ZNRF3: variants seen among roughly 807,000 people sequenced by gnomAD.
ZNRF3 encodes zinc and ring finger 3, also known as E3 ubiquitin-protein ligase ZNRF3.
In ZNRF3, 23 loss-of-function variants were observed where a neutral mutation model predicts 72.5. The observed-to-expected ratio is 0.32, with a 90% confidence interval of 0.23 to 0.45. The LOEUF is 0.45. ZNRF3 is among the 20% of genes least tolerant of loss of function. The pLI is 1.00. For missense variants in ZNRF3, 1,169 were observed against 1,272.1 expected, an observed-to-expected ratio of 0.92 and a Z score of 1.23; for synonymous variants, 610 against 545.3, an observed-to-expected ratio of 1.12 and a Z score of -1.65.
intron 1 of ZNRF3, among the ~76,000 whole-genome samples, chr22:28,899,576 C>G (rs969859924): frequency 3.9e-5 from 6 of 152,084 alleles, no homozygotes; most frequent in African/African-American, 1.4e-4. Flanking sequence ...TTTGAATATT[C>G]CAAGTAAACT....
At chr22:28,918,471 T>TGTGCATGTGTGGGTGC (rs2034446593) in intron 1 of ZNRF3, among the ~76,000 whole-genome samples, 1 of 152,086 alleles carries the variant, frequency 6.6e-6, no homozygotes, top group South Asian at 2.1e-4. Context: ...GCAGCTGGCA[T>TGTGCATGTGTGGGTGC]GTGCATGTGT....
At chr22:28,897,558 C>T (rs921287266) in intron 1 of ZNRF3, among the ~76,000 whole-genome samples, 6 of 152,222 alleles carry the variant, frequency 3.9e-5, no homozygotes, top group African/African-American at 1.4e-4. Flanking sequence ...TGAGCTCAAG[C>T]AATCCACCTG....
intron 1 of ZNRF3, among the ~76,000 whole-genome samples, chr22:28,964,436 C>A (rs2035422715): frequency 6.6e-6 from 1 of 152,140 alleles, no homozygotes; most frequent in Admixed American, 6.5e-5. Flanking sequence ...AGAGGCTGAG[C>A]CTGGGCCAGG....
At chr22:28,964,694 T>C in intron 1 of ZNRF3, among the ~76,000 whole-genome samples, 1 of 152,244 alleles carries the variant, frequency 6.6e-6, no homozygotes, top group Non-Finnish European at 1.5e-5. Flanking sequence ...TGAACTTCTG[T>C]ACTCCAGCCC....
chr22:28,956,510 C>G (rs961495228), intron 1 of ZNRF3, among the ~76,000 whole-genome samples: 5 of 151,996 alleles, frequency 3.3e-5, no homozygotes, highest in African/African-American at 9.7e-5. Context: ...TTTGGAGAAG[C>G]TAGTTTTGCC....
intron 2 of ZNRF3, among the ~76,000 whole-genome samples, chr22:28,993,520 G>C (rs1481966047): frequency 6.6e-6 from 1 of 152,120 alleles, no homozygotes; most frequent in African/African-American, 2.4e-5. Context: ...AGTGTCTTGG[G>C]AACTTCTTTG....
intron 2 of ZNRF3, among the ~76,000 whole-genome samples, chr22:28,991,562 G>A (rs1340511489): frequency 2.0e-5 from 3 of 152,036 alleles, no homozygotes; most frequent in African/African-American, 4.8e-5. Context: ...CTCAGAGCCT[G>A]GCTTATGGGA....
chr22:28,926,967 C>G (rs951116719), intron 1 of ZNRF3, among the ~76,000 whole-genome samples: 1 of 150,080 alleles, frequency 6.7e-6, no homozygotes, highest in Non-Finnish European at 1.5e-5. Flanking sequence ...ACTAAAAATA[C>G]AAAAATTAGC....
chr22:29,036,471 T>A (rs1398552730), intron 2 of ZNRF3, among the ~76,000 whole-genome samples: 1 of 152,210 alleles, frequency 6.6e-6, no homozygotes, highest in Non-Finnish European at 1.5e-5. Flanking sequence ...ATCTAGAGAG[T>A]TACTCTCAAA....
intron 1 of ZNRF3, among the ~76,000 whole-genome samples, chr22:28,924,038 G>C (rs972542623): frequency 6.6e-6 from 1 of 152,272 alleles, no homozygotes; most frequent in Non-Finnish European, 1.5e-5. Context: ...GCGCACCGGG[G>C]TGCTTCAAAG....
At chr22:28,935,699 T>C (rs1210058629) in intron 1 of ZNRF3, among the ~76,000 whole-genome samples, 1 of 152,208 alleles carries the variant, frequency 6.6e-6, no homozygotes, top group Non-Finnish European at 1.5e-5. Context: ...TTCCACCCTT[T>C]ATTGGCTGCA....
At position 28,914,784 on chromosome 22, in the gene ZNRF3, G is replaced by A. The variant is rs555461229; in HGVS notation, c.300+30718G>A. On this transcript the variant is annotated intron_variant, in intron 1 of 8. Transcript: ENST00000544604. ...AGCCGAGATGGCGCCATTGCACTCCGGCCTGGGCAGCAAGAATGAAACTCC... is the reference window on the plus strand; with the variant it reads ...AGCCGAGATGGCGCCATTGCACTCCAGCCTGGGCAGCAAGAATGAAACTCC... Among the ~76,000 whole-genome samples the A allele has an allele frequency of 1.5e-4, 23 of 150,690 alleles. No homozygotes were observed. The East Asian group carries it at 3.5e-3, about 23-fold the overall frequency.
At chr22:28,897,991 G>A (rs1469310555) in intron 1 of ZNRF3, among the ~76,000 whole-genome samples, 1 of 152,116 alleles carries the variant, frequency 6.6e-6, no homozygotes, top group African/African-American at 2.4e-5. Flanking sequence ...CACCCAGGTT[G>A]GAGTGCAGTG....
chr22:29,036,823 AT>A (rs2036875316), intron 2 of ZNRF3, among the ~76,000 whole-genome samples: 1 of 152,238 alleles, frequency 6.6e-6, no homozygotes, highest in South Asian at 2.1e-4. Context: ...GGAAAAAAAA[AT>A]CACAGCCATT....
At chr22:29,033,021 A>G (rs2036791526) in intron 2 of ZNRF3, among the ~76,000 whole-genome samples, 1 of 152,094 alleles carries the variant, frequency 6.6e-6, no homozygotes, top group Admixed American at 6.6e-5. Context: ...ACATGTGGCC[A>G]CCATTGAGTT....
intron 2 of ZNRF3, among the ~76,000 whole-genome samples, chr22:29,038,951 C>CATATAT (rs369747542): frequency 6.6e-6 from 1 of 150,748 alleles, no homozygotes; most frequent in Non-Finnish European, 1.5e-5. Context: ...ATTTAAGCAC[C>CATATAT]ATATATATAT....
rs577356066 is a variant in ZNRF3, at chr22:29,049,325, C to A, written c.1144C>A (p.Pro382Thr). The A allele has an allele frequency of 1.7e-5, 28 of 1,613,880 alleles. No individual in the cohort carries two copies. In the African/African-American group the frequency reaches 3.5e-4, roughly 20 times the overall value. Residue 382 changes from proline (P) to threonine (T), a missense_variant, in exon 8 of 9, where the codon CCT (proline) becomes ACT (threonine). Around this residue, in one of 2 missense-constraint regions of ZNRF3, gnomAD observed 386 missense variants for 540.7 expected, o/e 0.71. Coordinates refer to ENST00000544604, the MANE Select transcript of ZNRF3 (RefSeq NM_001206998.2). This position sits in a 1 kb window ranked among gnomAD's most constrained non-coding sequence, Gnocchi z 5.2. ...VHRTNAIPAY[P>T]TRTSMDSHGN... Reference sequence around the variant, plus strand: ...CAGGACCAACGCCATCCCAGCCTACCCTACGAGGACAAGCATGGACTCCCA... The same window carrying A: ...CAGGACCAACGCCATCCCAGCCTACACTACGAGGACAAGCATGGACTCCCA...
intron 2 of ZNRF3, among the ~76,000 whole-genome samples, chr22:28,993,255 T>C (rs1455415689): frequency 1.3e-5 from 2 of 152,194 alleles, no homozygotes; most frequent in African/African-American, 4.8e-5. Context: ...TTAAATGCTT[T>C]AGTGGGGCTC....
At chr22:28,932,462 A>C (rs1033501835) in intron 1 of ZNRF3, among the ~76,000 whole-genome samples, 1 of 152,164 alleles carries the variant, frequency 6.6e-6, no homozygotes, top group Non-Finnish European at 1.5e-5. Context: ...TGCTGATGAC[A>C]GGCTCCCTGT....
Sources: allele counts gnomAD v4.1 joint callset (sites outside exome capture counted in the v4.1 genomes callset), GRCh38; gene constraint gnomAD v4.1.1; regional missense constraint gnomAD v4.1.1; non-coding constraint Gnocchi (gnomAD v3.1); transcripts MANE v1.5; gene names NCBI Gene and HGNC (gene_info 2026-07-23, HGNC 2026-07-21).